RAB27A: variants seen among roughly 807,000 people sequenced by gnomAD.
RAB27A encodes the protein RAB27A, member RAS oncogene family, also known as ras-related protein Rab-27A.
A neutral mutation model predicts 20.8 loss-of-function variants in RAB27A; 17 were observed. That is an observed-to-expected ratio of 0.82 (90% confidence interval 0.56 to 1.23). The LOEUF is 1.23. RAB27A is among the 50% of genes most tolerant of loss of function. The pLI, the probability that RAB27A is intolerant of heterozygous loss-of-function variation, is 0.00. For missense variants in RAB27A, 277 were observed against 266.7 expected (o/e 1.04, Z -0.27); for synonymous variants, 85 against 92.8 (o/e 0.92, Z 0.48).
chr15:55,283,919 C>G (rs907160923), intron 1 of RAB27A, among the ~76,000 whole-genome samples: 1 of 152,106 alleles, frequency 6.6e-6, no homozygotes, highest in Non-Finnish European at 1.5e-5. Flanking sequence ...TTAGCCATAC[C>G]CTGATAGGAC....
chr15:55,304,404 T>C (rs1284278767), intron 2 of RAB27A, among the ~76,000 whole-genome samples: 1 of 150,912 alleles, frequency 6.6e-6, no homozygotes, highest in Non-Finnish European at 1.5e-5. Context: ...CCCTCCACTA[T>C]TGTCCCATGA....
At chr15:55,266,012 G>A (rs1159841305) in intron 2 of RAB27A, among the ~76,000 whole-genome samples, 1 of 152,170 alleles carries the variant, frequency 6.6e-6, no homozygotes, top group African/African-American at 2.4e-5. Context: ...CATGGAGACT[G>A]GAAATACACA....
At chr15:55,278,422 T>A (rs1226904925) in intron 1 of RAB27A, among the ~76,000 whole-genome samples, 2 of 152,084 alleles carry the variant, frequency 1.3e-5, no homozygotes, top group Non-Finnish European at 2.9e-5. Context: ...TGTTTTTAAT[T>A]TCCATTTCAC....
chr15:55,316,703 TTAAC>T (rs1168653375), intron 1 of RAB27A, among the ~76,000 whole-genome samples: 3 of 152,146 alleles, frequency 2.0e-5, no homozygotes, highest in Non-Finnish European at 2.9e-5. Flanking sequence ...TCATAATAAA[TTAAC>T]TACTCCCTTA....
rs79808300 is a variant in RAB27A, at chr15:55,267,232, A to G, written c.-23+2933T>C. ...TTACCATCTAGCTAAAAGATAGCTA[A>G]AAGATTCCAGCTTAGACTATGTCAT... On this transcript the variant is annotated intron_variant, in intron 2 of 6. Coordinates refer to ENST00000336787, the MANE Select transcript of RAB27A (RefSeq NM_183235.3). Among the ~76,000 whole-genome samples the G allele has an allele frequency of 1.5e-3, 235 of 152,330 alleles. 1 individual carries two copies. Among genetic ancestry groups the G allele is most frequent in the Middle Eastern group, 6.8e-3 (2 of 294 alleles).
chr15:55,316,461 G>A (rs1035582197), intron 1 of RAB27A, among the ~76,000 whole-genome samples: 4 of 151,532 alleles, frequency 2.6e-5, no homozygotes, highest in African/African-American at 9.7e-5. Context: ...GAGAGCATTA[G>A]GACAAATACC....
chr15:55,231,697 CTAA>C, intron 3 of RAB27A, among the ~76,000 whole-genome samples: 1 of 152,184 alleles, frequency 6.6e-6, no homozygotes, highest in East Asian at 1.9e-4. Flanking sequence ...TTGGAGCTCC[CTAA>C]AAGTCCCATA....
intron 2 of RAB27A, among the ~76,000 whole-genome samples, chr15:55,297,619 G>A (rs2054954968): frequency 6.6e-6 from 1 of 152,152 alleles, no homozygotes; most frequent in Admixed American, 6.5e-5. Flanking sequence ...ACAGTTCCCT[G>A]GGCATTGTCC....
At chr15:55,230,334 CTGTT>C in intron 4 of RAB27A, 63 bp downstream of exon 4, 1 of 1,436,156 alleles carries the variant, frequency 7.0e-7, no homozygotes, top group South Asian at 1.1e-5. Flanking sequence ...GCTCAGGTCA[CTGTT>C]TGAAGAATGT....
At chr15:55,259,887 A>C (rs1479864335) in intron 2 of RAB27A, 1 of 152,156 alleles carries the variant, frequency 6.6e-6, no homozygotes. Flanking sequence ...TGACCCTAAA[A>C]TATAACTTCA....
intron 4 of RAB27A, among the ~76,000 whole-genome samples, chr15:55,229,487 C>T (rs1895946959): frequency 6.6e-6 from 1 of 152,050 alleles, no homozygotes; most frequent in Non-Finnish European, 1.5e-5. Context: ...ACCAGCCTGA[C>T]CAACATGGAG....
chr15:55,242,915 C>T (rs1173885732), intron 2 of RAB27A, among the ~76,000 whole-genome samples: 2 of 152,176 alleles, frequency 1.3e-5, no homozygotes, highest in Non-Finnish European at 2.9e-5. Flanking sequence ...GTCATGTATG[C>T]ATATTTTTCT....
intron 2 of RAB27A, among the ~76,000 whole-genome samples, chr15:55,303,687 G>A: frequency 7.8e-6 from 1 of 128,284 alleles, no homozygotes; most frequent in Non-Finnish European, 1.7e-5. Flanking sequence ...TGCCCGGCCA[G>A]CCGCCCCGTC....
chr15:55,290,127 G>C (rs1898272020), upstream of RAB27A: 1 of 152,324 alleles, frequency 6.6e-6, no homozygotes, highest in Non-Finnish European at 1.5e-5. Context: ...CCGGTGCGCG[G>C]CGAGGTGTCG....
intron 2 of RAB27A, among the ~76,000 whole-genome samples, chr15:55,307,447 T>C (rs1221835427): frequency 6.6e-6 from 1 of 152,024 alleles, no homozygotes; most frequent in African/African-American, 2.4e-5. Context: ...GTGTTTCATT[T>C]TCTCAACCTT....
At chr15:55,253,027 G>A (rs904491389) in intron 2 of RAB27A, among the ~76,000 whole-genome samples, 15 of 151,912 alleles carry the variant, frequency 9.9e-5, no homozygotes, top group African/African-American at 3.6e-4. Context: ...AGCTACTCAG[G>A]AGGCTGAGGC....
chr15:55,205,407 T>G lies in RAB27A; in HGVS notation c.*100A>C, dbSNP rs1894591589. On this transcript the variant is annotated 3_prime_UTR_variant, in exon 7 of 7. Coordinates refer to ENST00000336787, the MANE Select transcript of RAB27A (RefSeq NM_183235.3). ...CTAATGGGGATGGTGAGAAGCAATT[T>G]GTACACAATGCCCATTAATCTCTCA... 6 of 1,269,334 alleles carry G rather than the reference T, an allele frequency of 4.7e-6. No individual in the cohort carries two copies. The Admixed American group carries it at 1.0e-4, about 21-fold the overall frequency. 78.6% of individuals were successfully genotyped at this position (1,269,334 alleles called of 1,614,324 possible).
chr15:55,303,713 A>G (rs371468475), intron 2 of RAB27A, among the ~76,000 whole-genome samples: 13 of 110,472 alleles, frequency 1.2e-4, no homozygotes, highest in South Asian at 3.4e-4. Context: ...GGTGAGGGGC[A>G]CCTCTGCCCG....
rs141081822 is a variant in RAB27A, at chr15:55,315,749, A to C, written c.-233-1589T>G. 8.1e-3 allele frequency among the ~76,000 whole-genome samples: 1,229 copies of C among 152,274 alleles called. 15 individuals carry two copies. Among genetic ancestry groups the C allele is most frequent in the African/African-American group, 0.025 (1,058 of 41,554 alleles). ...GAATGGTGATCATTAAAAAGTCAGGAAACAACAGATGCTGGTGAGGCTGTG... is the reference window on the plus strand; with the variant it reads ...GAATGGTGATCATTAAAAAGTCAGGCAACAACAGATGCTGGTGAGGCTGTG... On this transcript the variant is annotated intron_variant, in intron 1 of 5. Coordinates refer to the RAB27A transcript ENST00000563262.
Sources: allele counts gnomAD v4.1 joint callset (sites outside exome capture counted in the v4.1 genomes callset), GRCh38; gene constraint gnomAD v4.1.1; transcripts MANE v1.5; gene names NCBI Gene and HGNC (gene_info 2026-07-23, HGNC 2026-07-21).